VAV1: variants seen among roughly 807,000 people sequenced by gnomAD.
VAV1 encodes the protein proto-oncogene vav.
In VAV1, 33 loss-of-function variants were observed where a neutral mutation model predicts 128.1. The ratio of observed to expected loss-of-function variants is 0.26; its 90% CI spans 0.20 to 0.34. The LOEUF (loss-of-function observed/expected upper bound fraction) is 0.34. VAV1 is among the 10% of genes least tolerant of loss of function. VAV1 has a pLI of 1.00. For missense variants in VAV1, 715 were observed against 1,093.7 expected, an observed-to-expected ratio of 0.65 and a Z score of 4.88; for synonymous variants, 394 against 409.8, an observed-to-expected ratio of 0.96 and a Z score of 0.47.
At chr19:6,791,238 TCTC>T (rs1214610719) in intron 1 of VAV1, among the ~76,000 whole-genome samples, 1 of 151,950 alleles carries the variant, frequency 6.6e-6, no homozygotes, top group African/African-American at 2.4e-5. Flanking sequence ...CCTTGAGATA[TCTC>T]CTCATCTCGA....
At chr19:6,816,841 G>A (rs371855851) in intron 1 of VAV1, among the ~76,000 whole-genome samples, 58 of 151,678 alleles carry the variant, frequency 3.8e-4, no homozygotes, top group African/African-American at 1.4e-3. Flanking sequence ...GCACACTCCT[G>A]TAGTTCCAGC....
chr19:6,848,313 T>C (rs918351567), intron 23 of VAV1, among the ~76,000 whole-genome samples, 199 bp downstream of exon 23: 4 of 152,208 alleles, frequency 2.6e-5, no homozygotes, highest in Non-Finnish European at 2.9e-5. Flanking sequence ...ATGATTCCTA[T>C]AGAGGCTCAA....
intron 1 of VAV1, among the ~76,000 whole-genome samples, chr19:6,817,780 G>A (rs1971687979): frequency 1.3e-5 from 2 of 151,862 alleles, no homozygotes; most frequent in Non-Finnish European, 2.9e-5. Context: ...TCCACCTCCT[G>A]GGCTCCAACA....
intron 1 of VAV1, among the ~76,000 whole-genome samples, chr19:6,799,178 GT>G (rs978153219): frequency 2.0e-4 from 30 of 151,664 alleles, no homozygotes; most frequent in Non-Finnish European, 4.0e-4. Flanking sequence ...GTTTCGCTTT[GT>G]TTTTTTGAGA....
intron 1 of VAV1, among the ~76,000 whole-genome samples, chr19:6,803,927 A>G (rs1971327733): frequency 6.6e-6 from 1 of 152,160 alleles, no homozygotes; most frequent in Admixed American, 6.6e-5. Flanking sequence ...CCATGAAGAG[A>G]CACGCAGGAA....
At chr19:6,832,022 G>A in intron 14 of VAV1, 69 bp from the exon 15 acceptor site, 1 of 1,329,876 alleles carries the variant, frequency 7.5e-7, no homozygotes, top group Non-Finnish European at 1.1e-6. Context: ...CAGAGGGAGG[G>A]GTGGGTGGGT....
At chr19:6,854,520 C>G (rs948563555) in intron 26 of VAV1, among the ~76,000 whole-genome samples, 13 of 151,846 alleles carry the variant, frequency 8.6e-5, no homozygotes, top group African/African-American at 2.9e-4. Flanking sequence ...CAAGGCAAGC[C>G]TGGCTAAAAT....
intron 1 of VAV1, among the ~76,000 whole-genome samples, chr19:6,801,227 G>T (rs984238060): frequency 2.6e-5 from 4 of 152,162 alleles, no homozygotes; most frequent in African/African-American, 9.7e-5. Flanking sequence ...ACCGGGTCTG[G>T]GGTGCTGGGT....
chr19:6,780,573 CTT>C (rs34155628), intron 1 of VAV1, among the ~76,000 whole-genome samples: 10,189 of 128,774 alleles, frequency 0.079, 821 homozygotes, highest in African/African-American at 0.21. Flanking sequence ...TTTCTTTTTT[CTT>C]TTTTTTTTTT....
chr19:6,786,397 G>A (rs1014234316), intron 1 of VAV1, among the ~76,000 whole-genome samples: 3 of 152,152 alleles, frequency 2.0e-5, no homozygotes, highest in Non-Finnish European at 4.4e-5. Context: ...AGGAGTTTGA[G>A]GCTGCAGTGA....
rs143570897 is a variant in VAV1 at position 6,794,291 on chromosome 19, G to A, written c.204+21280G>A. ...GGGAAAAGAGGTGGTCTGAGGGTTG[G>A]GCCTTAGGTTGTAACAGCATAGAAA... is the stretch of plus-strand genomic sequence containing the variant. On this transcript the variant is annotated intron_variant, in intron 1 of 26. Transcript: ENST00000602142. Among the ~76,000 whole-genome samples, 693 of 152,254 alleles carry A rather than the reference G, an allele frequency of 4.6e-3. 2 individuals are homozygous for A. Among genetic ancestry groups the A allele is most frequent in the Non-Finnish European group, 7.2e-3 (493 of 68,018 alleles).
chr19:6,809,744 C>T (rs2144746613), intron 1 of VAV1, among the ~76,000 whole-genome samples: 1 of 152,232 alleles, frequency 6.6e-6, no homozygotes, highest in East Asian at 1.9e-4. Context: ...GTTGCAGCCA[C>T]AAAGGTGATC....
rs1481330727 is a variant in VAV1 at position 6,839,885 on chromosome 19, T to C, written c.1980+2835T>C. Among the ~76,000 whole-genome samples, 17 of 151,928 alleles carry C rather than the reference T, an allele frequency of 1.1e-4. No homozygotes were observed. In the East Asian group the frequency reaches 3.1e-3, roughly 28 times the overall value. On this transcript the variant is annotated intron_variant, in intron 21 of 26. Coordinates refer to ENST00000602142, the MANE Select transcript of VAV1 (RefSeq NM_005428.4). The stretch of plus-strand genomic sequence containing the variant: ...TTTTGTATTTTTCGTAGCGATGGGG[T>C]TTTGCCATGTTGCCCAGGCTGGTTT...
rs1971931715 is a variant in VAV1, at chr19:6,826,896, T to C, written c.927+185T>C. On this transcript the variant is annotated intron_variant, in intron 9 of 26. Coordinates refer to ENST00000602142, the MANE Select transcript of VAV1 (RefSeq NM_005428.4). This position sits in a 1 kb window ranked among gnomAD's most constrained non-coding sequence, Gnocchi z 4.1. ...GAAATGGAGAAGAACAGAAATGGGCTGGCCCTGGGTCTGGGCTGACCCCTG... is the reference window on the plus strand; with the variant it reads ...GAAATGGAGAAGAACAGAAATGGGCCGGCCCTGGGTCTGGGCTGACCCCTG... 9.8e-6 allele frequency: 6 copies of C among 615,316 alleles called. No individual in the cohort carries two copies. In the Admixed American group the frequency reaches 1.6e-4, roughly 17 times the overall value. The allele number at this position is 615,316 out of a possible 1,614,324, so 38.1% of individuals were successfully genotyped here. A position where few individuals can be genotyped will look rare whatever the true frequency, so the allele number is the denominator to read the frequency against.
At chr19:6,845,173 G>A (rs546647855) in intron 22 of VAV1, among the ~76,000 whole-genome samples, 2 of 152,220 alleles carry the variant, frequency 1.3e-5, no homozygotes, top group Non-Finnish European at 2.9e-5. Context: ...TTGAGGTCAG[G>A]AGTTCAAGAC....
chr19:6,850,380 G>T (rs1462726103), intron 23 of VAV1, among the ~76,000 whole-genome samples: 1 of 149,910 alleles, frequency 6.7e-6, no homozygotes, highest in African/African-American at 2.5e-5. Context: ...ATTGGTGGAA[G>T]GGGAGGTCTC....
chr19:6,783,062 C>T (rs1253565854), intron 1 of VAV1, among the ~76,000 whole-genome samples: 2 of 152,060 alleles, frequency 1.3e-5, no homozygotes, highest in Non-Finnish European at 2.9e-5. Context: ...TGCCTGTAGT[C>T]CCAGCTACTC....
intron 23 of VAV1, among the ~76,000 whole-genome samples, chr19:6,849,532 C>T (rs550813000): frequency 2.2e-4 from 33 of 151,510 alleles, no homozygotes; most frequent in Non-Finnish European, 3.5e-4. Context: ...AGGCTGGTCT[C>T]GAACTCCTGA....
At chr19:6,798,548 G>A (rs1347045757) in intron 1 of VAV1, among the ~76,000 whole-genome samples, 1 of 152,102 alleles carries the variant, frequency 6.6e-6, no homozygotes, top group Non-Finnish European at 1.5e-5. Flanking sequence ...AGCTACTTGG[G>A]AGGCTGAGAT....
Sources: gnomAD v4.1 joint callset for allele counts (sites outside exome capture counted in the v4.1 genomes callset) on GRCh38, gnomAD v4.1.1 for gene constraint, Gnocchi (gnomAD v3.1) non-coding constraint, MANE v1.5 for transcripts, NCBI Gene and HGNC (gene_info 2026-07-23, HGNC 2026-07-21) for gene names.